WDR7: variants seen among roughly 807,000 people sequenced by gnomAD.
WDR7 encodes the protein WD repeat-containing protein 7.
WDR7 carries 46 observed loss-of-function variants against 169.4 expected under a neutral mutation model. That is an observed-to-expected ratio of 0.27 (90% confidence interval 0.21 to 0.35). The LOEUF is 0.35. Ranked by LOEUF, WDR7 falls within the 10% of genes least tolerant of loss-of-function variation. The pLI is 1.00. For missense variants in WDR7, 1,534 were observed against 1,859.3 expected, an observed-to-expected ratio of 0.83 and a Z score of 3.22; for synonymous variants, 612 against 666.8, an observed-to-expected ratio of 0.92 and a Z score of 1.27.
At chr18:56,992,078 G>GA (rs34257134) in intron 26 of WDR7, among the ~76,000 whole-genome samples, 1 of 152,142 alleles carries the variant, frequency 6.6e-6, no homozygotes, top group Non-Finnish European at 1.5e-5. Flanking sequence ...TACTCATAAT[G>GA]AAAAAGAATA....
intron 26 of WDR7, among the ~76,000 whole-genome samples, chr18:56,970,251 G>GT (rs34022808): frequency 8.4e-4 from 118 of 140,848 alleles, no homozygotes; most frequent in South Asian, 3.6e-3. Context: ...TTTTTTTGCT[G>GT]TTTTTTTTTT....
chr18:56,931,180 G>A lies in WDR7; in HGVS notation c.3714-4608G>A, dbSNP rs376951122. Among the ~76,000 whole-genome samples the A allele has an allele frequency of 1.4e-3, 211 of 152,120 alleles. 1 individual carries two copies. The highest frequency in any genetic ancestry group is 4.9e-3 in the African/African-American group (202 of 41,484). On this transcript the variant is annotated intron_variant, in intron 22 of 27. Coordinates refer to ENST00000254442, the MANE Select transcript of WDR7 (RefSeq NM_015285.3). ...GACCCATCCTGTAAACCTGTGTAAC[G>A]GGTGATCCGCATAACAGCCAGATAG...
At chr18:56,714,022 A>C (rs910301227) in intron 12 of WDR7, among the ~76,000 whole-genome samples, 23 of 152,160 alleles carry the variant, frequency 1.5e-4, no homozygotes, top group African/African-American at 5.3e-4. Flanking sequence ...TTCCTTTTAC[A>C]CTTAAATAAG....
intron 1 of WDR7, among the ~76,000 whole-genome samples, chr18:56,662,205 G>C (rs1835679051): frequency 1.3e-5 from 2 of 152,204 alleles, no homozygotes. Flanking sequence ...TGGGACACAA[G>C]AAGTACATAG....
intron 26 of WDR7, among the ~76,000 whole-genome samples, chr18:56,999,521 A>G (rs1174338867): frequency 6.6e-6 from 1 of 152,108 alleles, no homozygotes; most frequent in African/African-American, 2.4e-5. Flanking sequence ...AATTATTTTT[A>G]ATCTTTCTCC....
chr18:56,972,370 C>T (rs1245155096), intron 26 of WDR7, among the ~76,000 whole-genome samples: 1 of 152,162 alleles, frequency 6.6e-6, no homozygotes, highest in African/African-American at 2.4e-5. Context: ...TTTTGAGCTT[C>T]GGGCACAGTT....
chr18:56,794,725 T>A (rs568075036), intron 19 of WDR7, among the ~76,000 whole-genome samples: 2 of 152,340 alleles, frequency 1.3e-5, no homozygotes, highest in Admixed American at 1.3e-4. Context: ...CCAATATGTT[T>A]CATAATTTTT....
At chr18:56,881,573 A>G (rs4800953) in intron 21 of WDR7, among the ~76,000 whole-genome samples, 97,510 of 152,002 alleles carry the variant, frequency 0.64, 34,302 homozygotes, top group East Asian at 0.82. Context: ...AAAGGGCTTA[A>G]TGACTAATAT....
At chr18:56,884,602 G>T (rs1235681462) in intron 21 of WDR7, among the ~76,000 whole-genome samples, 1 of 152,094 alleles carries the variant, frequency 6.6e-6, no homozygotes, top group Non-Finnish European at 1.5e-5. Flanking sequence ...AAGGGCCTGA[G>T]AACCACACTC....
chr18:56,848,818 G>C (rs1447213766), intron 20 of WDR7, among the ~76,000 whole-genome samples: 1 of 151,982 alleles, frequency 6.6e-6, no homozygotes, highest in Non-Finnish European at 1.5e-5. Flanking sequence ...GCTCCCTGAG[G>C]CCTCCCCAAA....
At chr18:56,667,194 C>G (rs2025043808) in intron 1 of WDR7, among the ~76,000 whole-genome samples, 1 of 152,148 alleles carries the variant, frequency 6.6e-6, no homozygotes, top group African/African-American at 2.4e-5. Context: ...TCCTTACCAC[C>G]CAGTTTGGAA....
At chr18:56,836,097 A>G (rs967530340) in intron 20 of WDR7, among the ~76,000 whole-genome samples, 4 of 152,210 alleles carry the variant, frequency 2.6e-5, no homozygotes, top group African/African-American at 9.6e-5. Flanking sequence ...GTCATGTACA[A>G]AGTAGTCATG....
chr18:56,871,454 G>A (rs908590824), intron 20 of WDR7, among the ~76,000 whole-genome samples: 10 of 151,908 alleles, frequency 6.6e-5, no homozygotes, highest in East Asian at 3.8e-4. Context: ...ACAAAGTCAC[G>A]GTTATTTTTA....
chr18:56,901,540 G>T (rs1261167078), intron 21 of WDR7, among the ~76,000 whole-genome samples: 1 of 152,166 alleles, frequency 6.6e-6, no homozygotes, highest in Non-Finnish European at 1.5e-5. Flanking sequence ...CAATGGCCTA[G>T]TAATGTCCCA....
intron 23 of WDR7, 59 bp from the exon 24 acceptor site, chr18:56,938,474 C>A: frequency 6.4e-7 from 1 of 1,572,028 alleles, no homozygotes; most frequent in Non-Finnish European, 8.6e-7. Flanking sequence ...TAAACCATGG[C>A]TAGAAATGTA....
At chr18:56,796,824 C>T (rs6566837) in intron 19 of WDR7, among the ~76,000 whole-genome samples, 4 of 151,968 alleles carry the variant, frequency 2.6e-5, no homozygotes, top group Non-Finnish European at 4.4e-5. Context: ...AAAAAGGAAA[C>T]GTCACCTTAA....
chr18:56,903,315 A>C (rs2046429191), intron 21 of WDR7, among the ~76,000 whole-genome samples: 1 of 152,134 alleles, frequency 6.6e-6, no homozygotes, highest in African/African-American at 2.4e-5. Context: ...CTGGTGGTAA[A>C]ATTCACTTGT....
chr18:56,790,771 G>A (rs949592798), intron 19 of WDR7, among the ~76,000 whole-genome samples: 4 of 151,878 alleles, frequency 2.6e-5, no homozygotes, highest in African/African-American at 9.7e-5. Context: ...TTTTAAATAT[G>A]TTTTAATATT....
At chr18:56,707,785 T>G (rs895398888) in intron 12 of WDR7, among the ~76,000 whole-genome samples, 5 of 152,060 alleles carry the variant, frequency 3.3e-5, no homozygotes, top group African/African-American at 1.2e-4. Flanking sequence ...ACACTGAAGG[T>G]TAGGTTTCTC....
Sources: allele counts gnomAD v4.1 joint callset (sites outside exome capture counted in the v4.1 genomes callset), GRCh38; gene constraint gnomAD v4.1.1; transcripts MANE v1.5; gene names NCBI Gene and HGNC (gene_info 2026-07-23, HGNC 2026-07-21).